The following MRPL1 variants were observed in gnomAD, a reference collection of about 807,000 sequenced individuals.
MRPL1 encodes the protein large ribosomal subunit protein uL1m.
MRPL1 carries 28 observed loss-of-function variants against 38.0 expected under a neutral mutation model. The observed-to-expected ratio is 0.74, with a 90% CI of 0.55 to 1.01. The LOEUF (loss-of-function observed/expected upper bound fraction) is 1.01. Among genes scored for constraint, MRPL1 ranks in the 50% least tolerant of loss-of-function variants. The pLI, the probability that MRPL1 is intolerant of heterozygous loss-of-function variation, is 0.00. For missense variants in MRPL1, 358 were observed against 389.8 expected, an observed-to-expected ratio of 0.92 and a Z score of 0.69; for synonymous variants, 123 against 126.7, an observed-to-expected ratio of 0.97 and a Z score of 0.20.
At chr4:77,863,106 C>T (rs774407967) in intron 1 of MRPL1, 75 of 578,588 alleles carry the variant, frequency 1.3e-4, no homozygotes, top group Non-Finnish European at 2.0e-4. Context: ...GCGGGACGTA[C>T]ATCGAGCGCC....
chr4:77,888,515 T>A lies in MRPL1; in HGVS notation c.558+1224T>A, dbSNP rs543206769. ...GAGACTCTGTCTCCAAAAAAATAAA[T>A]AAATAAAATAAATAAACAAACAAAT... On this transcript the variant is annotated intron_variant, in intron 5 of 8. Coordinates refer to ENST00000315567, the MANE Select transcript of MRPL1 (RefSeq NM_020236.4). Among the ~76,000 whole-genome samples, 201 of 151,806 alleles carry A rather than the reference T, an allele frequency of 1.3e-3. 1 individual carries two copies. The highest frequency in any genetic ancestry group is 4.4e-3 in the African/African-American group (182 of 41,382).
chr4:77,871,492 G>T (rs1054010199), intron 1 of MRPL1, among the ~76,000 whole-genome samples: 1 of 152,028 alleles, frequency 6.6e-6, no homozygotes, highest in Non-Finnish European at 1.5e-5. Context: ...TTTTAGTAGA[G>T]ACGGGGTTTC....
At position 77,952,775 on chromosome 4, in the gene MRPL1, CTT is replaced by C. The variant is rs1317368296; in HGVS notation, c.*170_*171del. ...CAAGAATAAGAAAATAAAATTTTCT[CTT>C]TGTCTGAACCTGCCTTTTAGACCCT... On this transcript the variant is annotated 3_prime_UTR_variant, in exon 9 of 9. Transcript: ENST00000315567. 7.3e-6 allele frequency: 4 copies of C among 546,880 alleles called. No individual in the cohort carries two copies. Among genetic ancestry groups the C allele is most frequent in the African/African-American group, 1.9e-5 (1 of 51,608 alleles). The allele number at this position is 546,880 out of a possible 1,614,324, so 33.9% of individuals were successfully genotyped here.
chr4:77,946,048 C>G (rs1249153337), intron 7 of MRPL1, among the ~76,000 whole-genome samples: 1 of 152,058 alleles, frequency 6.6e-6, no homozygotes, highest in Admixed American at 6.5e-5. Context: ...TTCCCCCACC[C>G]TAATAAGACT....
intron 2 of MRPL1, among the ~76,000 whole-genome samples, chr4:77,880,008 T>A (rs1045381554): frequency 6.6e-6 from 1 of 152,218 alleles, no homozygotes; most frequent in Non-Finnish European, 1.5e-5. Context: ...AGGTCTTTTT[T>A]AAAAAACTGT....
chr4:77,915,495 C>T (rs1236889164), intron 7 of MRPL1, among the ~76,000 whole-genome samples: 4 of 152,136 alleles, frequency 2.6e-5, no homozygotes, highest in Admixed American at 6.5e-5. Flanking sequence ...TTGATCTCAG[C>T]TCCCTGCCAG....
chr4:77,940,813 T>C (rs1737107628), intron 7 of MRPL1, among the ~76,000 whole-genome samples: 1 of 152,214 alleles, frequency 6.6e-6, no homozygotes, highest in African/African-American at 2.4e-5. Flanking sequence ...CATGTGATTT[T>C]TGTTTTTAAT....
intron 6 of MRPL1, chr4:77,907,169 A>G (rs1053564140): frequency 1.0e-5 from 10 of 983,602 alleles, no homozygotes; most frequent in African/African-American, 1.7e-5. Flanking sequence ...CTTACCCTTT[A>G]AATAATTCAC....
chr4:77,864,001 T>G (rs63297061), intron 1 of MRPL1, among the ~76,000 whole-genome samples: 2 of 9,522 alleles, frequency 2.1e-4, no homozygotes, highest in African/African-American at 1.3e-3. Context: ...TGCATCACAG[T>G]TTTTTTTTTT....
chr4:77,950,957 G>A (rs1299700090), intron 8 of MRPL1, among the ~76,000 whole-genome samples: 5 of 152,122 alleles, frequency 3.3e-5, no homozygotes, highest in Admixed American at 1.3e-4. Flanking sequence ...TGCAACCTCC[G>A]CCTCCCGGGT....
At chr4:77,945,209 G>A (rs80273456) in intron 7 of MRPL1, among the ~76,000 whole-genome samples, 10,146 of 150,330 alleles carry the variant, frequency 0.067, 450 homozygotes, top group Middle Eastern at 0.12. Context: ...GAGACATACA[G>A]ATAACCTTTC....
intron 6 of MRPL1, among the ~76,000 whole-genome samples, chr4:77,900,067 G>C (rs946581198): frequency 6.6e-6 from 1 of 152,178 alleles, no homozygotes; most frequent in Non-Finnish European, 1.5e-5. Flanking sequence ...CTGTTTTTGT[G>C]ATAATGTATG....
intron 7 of MRPL1, among the ~76,000 whole-genome samples, chr4:77,909,588 T>C (rs571203244): frequency 6.6e-6 from 1 of 152,346 alleles, no homozygotes; most frequent in South Asian, 2.1e-4. Context: ...AGTTATGTGC[T>C]ACTCTCACAT....
At chr4:77,905,244 C>A (rs1198422411) in intron 6 of MRPL1, among the ~76,000 whole-genome samples, 1 of 152,046 alleles carries the variant, frequency 6.6e-6, no homozygotes, top group African/African-American at 2.4e-5. Flanking sequence ...TGCCTGTAAT[C>A]TCAACACTTT....
At chr4:77,916,853 A>G (rs1736434671) in intron 7 of MRPL1, among the ~76,000 whole-genome samples, 2 of 152,212 alleles carry the variant, frequency 1.3e-5, no homozygotes, top group South Asian at 4.1e-4. Context: ...GAAATAGAGT[A>G]TATGTTGAAA....
chr4:77,900,062 T>G (rs1736001126), intron 6 of MRPL1, among the ~76,000 whole-genome samples: 1 of 152,216 alleles, frequency 6.6e-6, no homozygotes, highest in Non-Finnish European at 1.5e-5. Context: ...CCATACTGTT[T>G]TTGTGATAAT....
chr4:77,893,911 AC>A (rs747542257), intron 5 of MRPL1, among the ~76,000 whole-genome samples: 5 of 151,772 alleles, frequency 3.3e-5, no homozygotes, highest in Non-Finnish European at 7.4e-5. Flanking sequence ...AAAGGAAGAA[AC>A]CATTAATTTT....
At chr4:77,871,654 T>A (rs1187142386) in intron 1 of MRPL1, 90 bp from the exon 2 acceptor site, 1 of 618,316 alleles carries the variant, frequency 1.6e-6, no homozygotes, top group Non-Finnish European at 2.7e-6. Flanking sequence ...ATTGAATGTT[T>A]TCATTTTGAA....
intron 7 of MRPL1, among the ~76,000 whole-genome samples, chr4:77,940,154 T>C (rs1737083379): frequency 6.6e-6 from 1 of 152,250 alleles, no homozygotes; most frequent in Admixed American, 6.5e-5. Flanking sequence ...TTTCACAATA[T>C]TGATTCTTCC....
Sources: gnomAD v4.1 joint callset for allele counts (sites outside exome capture counted in the v4.1 genomes callset) on GRCh38, gnomAD v4.1.1 for gene constraint, MANE v1.5 for transcripts, NCBI Gene and HGNC (gene_info 2026-07-23, HGNC 2026-07-21) for gene names.